Variants in STYK1 observed in about 807,000 individuals in gnomAD.
STYK1 encodes the protein tyrosine-protein kinase STYK1.
Under a neutral mutation model 48.1 loss-of-function variants are expected in STYK1, and 46 were observed. The observed-to-expected ratio is 0.96, with a 90% CI of 0.75 to 1.22. The LOEUF is 1.22. Among genes scored for constraint, STYK1 ranks in the 50% most tolerant of loss-of-function variants. The pLI is 0.00. For missense variants in STYK1, 527 were observed against 521.1 expected (o/e 1.01, Z -0.11); for synonymous variants, 188 against 189.0 (o/e 0.99, Z 0.04).
intron 1 of STYK1, among the ~76,000 whole-genome samples, chr12:10,671,931 T>A (rs1239255611): frequency 6.6e-6 from 1 of 151,914 alleles, no homozygotes; most frequent in African/African-American, 2.4e-5. Flanking sequence ...CTCTCAAAAT[T>A]AATATGCTGA....
intron 10 of STYK1, among the ~76,000 whole-genome samples, chr12:10,621,291 G>A (rs560232532): frequency 6.6e-6 from 1 of 152,108 alleles, no homozygotes. Context: ...TTCACTAACT[G>A]TCCCAATCTG....
rs1020996666 is a variant in STYK1, at chr12:10,672,864, C to A, written c.-195+1102G>T. The stretch of plus-strand genomic sequence containing the variant: ...ACTTCATGATGTCTCATTGAAAGAC[C>A]TAGCTGCCCCCTAGCTAGCTGTCAG... On this transcript the variant is annotated intron_variant, in intron 1 of 10. Transcript: ENST00000075503. This position sits in a 1 kb window ranked among gnomAD's most constrained non-coding sequence, Gnocchi z 4.0. 6.6e-5 allele frequency among the ~76,000 whole-genome samples: 10 copies of A among 152,148 alleles called. No individual in the cohort carries two copies. The highest frequency in any genetic ancestry group is 2.4e-4 in the African/African-American group (10 of 41,436).
chr12:10,659,217 G>A (rs1947750488), intron 1 of STYK1, among the ~76,000 whole-genome samples: 1 of 152,104 alleles, frequency 6.6e-6, no homozygotes, highest in Non-Finnish European at 1.5e-5. Flanking sequence ...GTTTTTCAGA[G>A]TCAAGAACAT....
intron 1 of STYK1, among the ~76,000 whole-genome samples, chr12:10,642,527 C>T (rs781629133): frequency 1.4e-4 from 22 of 152,082 alleles, no homozygotes; most frequent in Non-Finnish European, 3.2e-4. Flanking sequence ...TCTGCCTTTC[C>T]AGTTGGGAAA....
At chr12:10,650,119 C>CAAAAAAAAAAAA (rs71051518) in intron 1 of STYK1, among the ~76,000 whole-genome samples, 1 of 51,296 alleles carries the variant, frequency 1.9e-5, no homozygotes. Flanking sequence ...GACTCTGTCT[C>CAAAAAAAAAAAA]AAAAAAAAAA....
chr12:10,637,243 A>G (rs929493265), intron 1 of STYK1, 47 bp from the exon 2 acceptor site: 1 of 152,152 alleles, frequency 6.6e-6, no homozygotes, highest in African/African-American at 2.4e-5. Flanking sequence ...CCACCCAATG[A>G]AATTGCTTTC....
Position 10,672,765 on chromosome 12 carries a change from AC to A in STYK1, c.-195+1200del, listed in dbSNP as rs1279596815. Among the ~76,000 whole-genome samples the A allele has an allele frequency of 6.6e-6, 1 of 152,210 alleles. No individual in the cohort carries two copies. The highest frequency in any genetic ancestry group is 1.5e-5 in the Non-Finnish European group (1 of 68,034). ...GCCATGCAGTTTGTGGTACCTTGTT[AC>A]AGCAGCCCTAGCAAACTCACACAGT... On this transcript the variant is annotated intron_variant, in intron 1 of 10. Coordinates refer to ENST00000075503, the MANE Select transcript of STYK1 (RefSeq NM_018423.3). The surrounding 1 kb of genome is among the most constrained non-coding windows in gnomAD (Gnocchi z 4.0).
At chr12:10,654,790 G>A (rs1041059655) in intron 1 of STYK1, among the ~76,000 whole-genome samples, 2 of 152,210 alleles carry the variant, frequency 1.3e-5, no homozygotes, top group African/African-American at 2.4e-5. Context: ...GACACTATGG[G>A]ATGTTAACTG....
intron 5 of STYK1, among the ~76,000 whole-genome samples, chr12:10,630,406 AAG>A (rs1555149435): frequency 6.6e-6 from 1 of 150,514 alleles, no homozygotes; most frequent in African/African-American, 2.4e-5. Context: ...AAAAAGAAAA[AAG>A]AAATATAATA....
At chr12:10,641,227 C>T (rs995792332) in intron 1 of STYK1, among the ~76,000 whole-genome samples, 6 of 152,142 alleles carry the variant, frequency 3.9e-5, no homozygotes, top group Non-Finnish European at 7.3e-5. Flanking sequence ...ATCTCTAATC[C>T]ATCCGTGTCT....
intron 1 of STYK1, among the ~76,000 whole-genome samples, chr12:10,638,907 G>A (rs548109322): frequency 6.6e-6 from 1 of 152,252 alleles, no homozygotes; most frequent in African/African-American, 2.4e-5. Flanking sequence ...ATCAACACAT[G>A]TGGATCTTCC....
chr12:10,621,889 A>G lies in STYK1; in HGVS notation c.1051T>C (p.Cys351Arg), dbSNP rs756910970. Residue 351 changes from cysteine (C) to arginine (R), a missense_variant, in exon 10 of 11, where the codon TGC becomes CGC. Physicochemically the swap from Cys to Arg is radical, Grantham distance 180 (BLOSUM62 -3). Transcript: ENST00000075503. ...AAAACCACTTACATGGTATGTGTGC[A>G]GCTACTGGGTCTCTTCATGATTTTC... ...RRKIMKRPSS[C>R]THTMYSIMKS... The G allele has an allele frequency of 1.1e-5, 18 of 1,613,762 alleles. No homozygotes were observed. Among genetic ancestry groups the G allele is most frequent in the Admixed American group, 1.7e-5 (1 of 59,988 alleles).
At position 10,637,212 on chromosome 12, in the gene STYK1, A is replaced by T. The variant is rs1471722042; in HGVS notation, c.-194-16T>A. 2 of 152,204 alleles carry T rather than the reference A, an allele frequency of 1.3e-5. No homozygotes were observed. 9.4% of individuals were successfully genotyped at this position (152,204 alleles called of 1,614,324 possible). On this transcript the variant is annotated splice_polypyrimidine_tract_variant and intron_variant, in intron 1 of 10. Coordinates refer to ENST00000075503, the MANE Select transcript of STYK1 (RefSeq NM_018423.3). Reference sequence around the variant, plus strand: ...AAATTGGATGCTAGAGCAAGGAGATAAATGTATAGAATGATGAGGTCCACC... The same window carrying T: ...AAATTGGATGCTAGAGCAAGGAGATTAATGTATAGAATGATGAGGTCCACC...
chr12:10,666,468 T>A (rs563835848), intron 1 of STYK1, among the ~76,000 whole-genome samples: 36 of 152,220 alleles, frequency 2.4e-4, no homozygotes, highest in Non-Finnish European at 3.5e-4. Flanking sequence ...TCTGGTTAAA[T>A]CATTCAATGT....
At chr12:10,631,621 G>A (rs959703769) in intron 4 of STYK1, among the ~76,000 whole-genome samples, 1 of 152,196 alleles carries the variant, frequency 6.6e-6, no homozygotes, top group African/African-American at 2.4e-5. Context: ...AATTAGGGAA[G>A]TTACTGAATA....
rs1865872772 is a variant in STYK1 at position 10,619,615 on chromosome 12, C to G, written c.*529G>C. 1 of 163,050 alleles carries G rather than the reference C, an allele frequency of 6.1e-6. No individual in the cohort carries two copies. Among genetic ancestry groups the G allele is most frequent in the Admixed American group, 6.4e-5 (1 of 15,636 alleles). The allele number at this position is 163,050 out of a possible 1,614,324, so 10.1% of individuals were successfully genotyped here. On this transcript the variant is annotated 3_prime_UTR_variant, in exon 11 of 11. Coordinates refer to ENST00000075503, the MANE Select transcript of STYK1 (RefSeq NM_018423.3). ...CAGAGGTTTTTCCGTTATAGTTCTCCTCCAACCCCACATGTAGGGCTCAGG... is the reference window on the plus strand; with the variant it reads ...CAGAGGTTTTTCCGTTATAGTTCTCGTCCAACCCCACATGTAGGGCTCAGG...
chr12:10,653,563 C>G (rs1412095770), intron 1 of STYK1, among the ~76,000 whole-genome samples: 1 of 152,154 alleles, frequency 6.6e-6, no homozygotes, highest in Non-Finnish European at 1.5e-5. Flanking sequence ...GAGTTTTTCT[C>G]TATCATTTTA....
At chr12:10,644,189 G>T (rs1431274269) in intron 1 of STYK1, among the ~76,000 whole-genome samples, 1 of 152,196 alleles carries the variant, frequency 6.6e-6, no homozygotes, top group African/African-American at 2.4e-5. Flanking sequence ...CAGGGAGAAG[G>T]TGTGACTTTG....
intron 6 of STYK1, among the ~76,000 whole-genome samples, chr12:10,629,045 T>G (rs963083565): frequency 2.0e-5 from 3 of 152,178 alleles, no homozygotes; most frequent in Non-Finnish European, 2.9e-5. Flanking sequence ...TTGTATTTTT[T>G]GTAATAATTA....
Sources: allele counts gnomAD v4.1 joint callset (sites outside exome capture counted in the v4.1 genomes callset), GRCh38; gene constraint gnomAD v4.1.1; non-coding constraint Gnocchi (gnomAD v3.1); transcripts MANE v1.5; gene names NCBI Gene and HGNC (gene_info 2026-07-23, HGNC 2026-07-21).